Variants in IRS2 observed in about 807,000 individuals in gnomAD.
IRS2 encodes the protein insulin receptor substrate 2.
IRS2 carries 28 observed loss-of-function variants against 70.9 expected under a neutral mutation model. The ratio of observed to expected loss-of-function variants is 0.39; its 90% CI spans 0.29 to 0.54. IRS2 has a LOEUF of 0.54. Ranked by LOEUF, IRS2 falls within the 20% of genes least tolerant of loss-of-function variation. IRS2 has a pLI of 0.59. For missense variants in IRS2, 2,081 were observed against 2,024.1 expected, an observed-to-expected ratio of 1.03 and a Z score of -0.54; for synonymous variants, 1,217 against 981.9, an observed-to-expected ratio of 1.24 and a Z score of -4.48.
Position 109,782,919 on chromosome 13 carries a change from G to T in IRS2, c.3135C>A (p.Pro1045=), listed in dbSNP as rs759999527. Residue 1045 remains proline (P), a synonymous_variant, in exon 1 of 2, where the codon CCC becomes CCA. Transcript: ENST00000375856. The part of the protein sequence containing the change: ...PPAPGELYRL[P]PASAVATAQG... The stretch of plus-strand genomic sequence containing the variant: ...GGGCGGTGGCAACGGCCGAGGCGGG[G>T]GGCAGGCGGTACAGCTCCCCCGGGG... 5 of 1,543,820 alleles carry T rather than the reference G, an allele frequency of 3.2e-6. 1 individual carries two copies. In the South Asian group the frequency reaches 6.0e-5, roughly 18 times the overall value.
rs1304368331 is a variant in IRS2 at position 109,783,429 on chromosome 13, G to T, written c.2625C>A (p.Gly875=). 3 of 1,495,064 alleles carry T rather than the reference G, an allele frequency of 2.0e-6. No homozygotes were observed. The African/African-American group carries it at 4.3e-5, about 22-fold the overall frequency. The allele number at this position is 1,495,064 out of a possible 1,614,324, so 92.6% of individuals were successfully genotyped here. ...VVPSPVRPSG[G]RPEGFLGQRG... ...GCTGGCCCAAGAAGCCCTCCGGGCGGCCGCCGCTAGGCCGCACGGGCGAAG... is the reference window on the plus strand; with the variant it reads ...GCTGGCCCAAGAAGCCCTCCGGGCGTCCGCCGCTAGGCCGCACGGGCGAAG... Residue 875 remains glycine, a synonymous_variant, in exon 1 of 2, where the codon GGC becomes GGA. Coordinates refer to ENST00000375856, the MANE Select transcript of IRS2 (RefSeq NM_003749.3).
intron 1 of IRS2, among the ~76,000 whole-genome samples, chr13:109,772,481 T>C (rs1216573204): frequency 2.0e-5 from 3 of 152,190 alleles, no homozygotes; most frequent in Admixed American, 2.0e-4. Context: ...GTAACTCCAT[T>C]CGCCCGGATA....
intron 1 of IRS2, among the ~76,000 whole-genome samples, chr13:109,781,411 G>A (rs1169132038): frequency 6.6e-6 from 1 of 152,222 alleles, no homozygotes; most frequent in African/African-American, 2.4e-5. Context: ...ATTAGGCTGT[G>A]TGCAGCCTTA....
chr13:109,777,625 CA>C (rs1877608408), intron 1 of IRS2, among the ~76,000 whole-genome samples: 1 of 152,178 alleles, frequency 6.6e-6, no homozygotes, highest in Non-Finnish European at 1.5e-5. Flanking sequence ...CCAGACTAAA[CA>C]ATGAGTAGTC....
At chr13:109,772,392 T>A (rs1877473092) in intron 1 of IRS2, among the ~76,000 whole-genome samples, 1 of 152,136 alleles carries the variant, frequency 6.6e-6, no homozygotes, top group South Asian at 2.1e-4. Flanking sequence ...CTGACTAAAT[T>A]GGTGGGTGCT....
At chr13:109,775,690 T>G (rs1877555868) in intron 1 of IRS2, among the ~76,000 whole-genome samples, 3 of 151,328 alleles carry the variant, frequency 2.0e-5, no homozygotes, top group African/African-American at 7.3e-5. Context: ...TCCTTGAATT[T>G]CAGTTATGGA....
chr13:109,783,868 G>C lies in IRS2; in HGVS notation c.2186C>G (p.Ala729Gly), dbSNP rs929000671. ...TFPASGGGYKASSPAESSPED... is the reference protein window; with the variant it reads ...TFPASGGGYKGSSPAESSPED... ...GGGGGAGCTCTCGGCGGGCGAGCTG[G>C]CCTTGTAGCCGCCCCCGCTCGCCGG... is the stretch of plus-strand genomic sequence containing the variant. The change falls in exon 1 of 2, where the codon GCC becomes GGC. Residue 729 changes from alanine to glycine, a missense_variant. Coordinates refer to ENST00000375856, the MANE Select transcript of IRS2 (RefSeq NM_003749.3). 6 of 1,552,318 alleles carry C rather than the reference G, an allele frequency of 3.9e-6. No individual in the cohort carries two copies. In the East Asian group the frequency reaches 7.3e-5, roughly 19 times the overall value.
intron 1 of IRS2, among the ~76,000 whole-genome samples, chr13:109,759,942 G>A (rs1217022146): frequency 2.6e-5 from 4 of 152,142 alleles, no homozygotes; most frequent in African/African-American, 7.2e-5. Flanking sequence ...ACCTAGGAAT[G>A]AGAGTAAACT....
chr13:109,782,817 C>T lies in IRS2; in HGVS notation c.3237G>A (p.Val1079=), dbSNP rs374257648. The change falls in exon 1 of 2, where the codon GTG becomes GTA. Residue 1079 remains valine (V), a synonymous_variant. Coordinates refer to ENST00000375856, the MANE Select transcript of IRS2 (RefSeq NM_003749.3). ...NGDYTEMAFG[V]AATPPQPIAA... Reference sequence around the variant, plus strand: ...CGATAGGTTGCGGCGGGGTGGCGGCCACACCAAAAGCCATCTCGGTGTAGT... The same window carrying T: ...CGATAGGTTGCGGCGGGGTGGCGGCTACACCAAAAGCCATCTCGGTGTAGT... 66 of 1,590,790 alleles carry T rather than the reference C, an allele frequency of 4.1e-5. No homozygotes were observed. Among genetic ancestry groups the T allele is most frequent in the Non-Finnish European group, 5.1e-5 (60 of 1,170,118 alleles).
At position 109,759,581 on chromosome 13, in the gene IRS2, C is replaced by T. The variant is rs35636771; in HGVS notation, c.4013-3273G>A. On this transcript the variant is annotated intron_variant, in intron 1 of 1. Transcript: ENST00000375856. The stretch of plus-strand genomic sequence containing the variant: ...GAAAAAAGGGATCTGTTTTGAAACC[C>T]TAAGTATCATTTTTATTCATTTGTT... 2.9e-3 allele frequency among the ~76,000 whole-genome samples: 438 copies of T among 152,234 alleles called. 1 individual carries two copies. Among genetic ancestry groups the T allele is most frequent in the Middle Eastern group, 0.017 (5 of 294 alleles).
chr13:109,784,292 G>T lies in IRS2; in HGVS notation c.1762C>A (p.Pro588Thr). Residue 588 changes from proline to threonine, a missense_variant, in exon 1 of 2, where the codon CCC (proline) becomes ACC (threonine). Physicochemically the swap from Pro to Thr is conservative, Grantham distance 38. Around this residue, in one of 4 missense-constraint regions of IRS2, gnomAD observed 1,615 missense variants for 1,459.5 expected, o/e 1.11. Transcript: ENST00000375856. The surrounding 1 kb of genome is among the most constrained non-coding windows in gnomAD (Gnocchi z 5.2). ...TCCAGCGAGGCAGAGGAGGGCTGGG[G>T]CACCGGCCGCTGCCGGGCTGGCGTG... ...LTTPARQRPV[P>T]QPSSASLDEY... 6.3e-7 allele frequency: 1 copy of T among 1,598,302 alleles called. No homozygotes were observed.
At chr13:109,772,687 C>T (rs1158646182) in intron 1 of IRS2, among the ~76,000 whole-genome samples, 2 of 114,678 alleles carry the variant, frequency 1.7e-5, no homozygotes, top group East Asian at 2.5e-4. Context: ...TTGCCTATTA[C>T]ATTTTTTTTT....
At chr13:109,770,861 T>C (rs1337846344) in intron 1 of IRS2, among the ~76,000 whole-genome samples, 1 of 152,236 alleles carries the variant, frequency 6.6e-6, no homozygotes, top group Non-Finnish European at 1.5e-5. Context: ...GTTTTGGAAA[T>C]GGCTGAAGAC....
intron 1 of IRS2, among the ~76,000 whole-genome samples, chr13:109,767,430 T>C (rs1169902171): frequency 6.6e-6 from 1 of 152,082 alleles, no homozygotes. Flanking sequence ...CAATTAATGA[T>C]AAAGAAAACA....
At position 109,783,472 on chromosome 13, in the gene IRS2, G is replaced by A. The variant is rs766481568; in HGVS notation, c.2582C>T (p.Pro861Leu). The change falls in exon 1 of 2, where the codon CCC becomes CTC. Residue 861 changes from proline to leucine, a missense_variant. By Grantham distance (98) the Pro-to-Leu change is moderately conservative (BLOSUM62 -3). Around this residue, in one of 4 missense-constraint regions of IRS2, gnomAD observed 1,615 missense variants for 1,459.5 expected, o/e 1.11. Coordinates refer to ENST00000375856, the MANE Select transcript of IRS2 (RefSeq NM_003749.3). ...ASAFGAGPTQ[P>L]PHPVVPSPVR... ...GGGCGAAGGCACTACAGGGTGAGGG[G>A]GCTGCGTGGGGCCGGCCCCGAAGGC... The A allele has an allele frequency of 6.0e-5, 92 of 1,540,494 alleles. No individual in the cohort carries two copies. Among genetic ancestry groups the A allele is most frequent in the Non-Finnish European group, 7.4e-5 (85 of 1,145,586 alleles).
At chr13:109,778,879 A>G (rs1184470194) in intron 1 of IRS2, among the ~76,000 whole-genome samples, 1 of 152,214 alleles carries the variant, frequency 6.6e-6, no homozygotes, top group East Asian at 1.9e-4. Flanking sequence ...CTACCATCCT[A>G]ACACAAAAAC....
At position 109,783,900 on chromosome 13, in the gene IRS2, C is replaced by G; in HGVS notation, c.2154G>C (p.Arg718Ser). 1.3e-6 allele frequency: 2 copies of G among 1,546,390 alleles called. No homozygotes were observed. The highest frequency in any genetic ancestry group is 1.2e-5 in the South Asian group (1 of 84,142). ...AGPAPTSAAG[R>S]TFPASGGGYK... The stretch of plus-strand genomic sequence containing the variant: ...AGCCGCCCCCGCTCGCCGGGAATGT[C>G]CTGCCCGCCGCAGAGGTGGGTGCTG... Residue 718 changes from arginine to serine, a missense_variant, in exon 1 of 2, where the codon AGG becomes AGC. Arg to Ser is a moderately radical substitution (Grantham distance 110). Around this residue, in one of 4 missense-constraint regions of IRS2, gnomAD observed 1,615 missense variants for 1,459.5 expected, o/e 1.11. Transcript: ENST00000375856.
At chr13:109,758,944 A>G (rs1877168326) in intron 1 of IRS2, among the ~76,000 whole-genome samples, 1 of 151,286 alleles carries the variant, frequency 6.6e-6, no homozygotes, top group Non-Finnish European at 1.5e-5. Context: ...GGAAGGGGAA[A>G]GGGAAGGAGA....
chr13:109,778,671 A>G (rs1371782477), intron 1 of IRS2, among the ~76,000 whole-genome samples: 4 of 152,202 alleles, frequency 2.6e-5, no homozygotes, highest in Non-Finnish European at 4.4e-5. Flanking sequence ...CTTTGGAAAC[A>G]TATCTCTTAT....
Sources: gnomAD v4.1 joint callset for allele counts (sites outside exome capture counted in the v4.1 genomes callset) on GRCh38, gnomAD v4.1.1 for gene constraint, gnomAD v4.1.1 regional missense constraint, Gnocchi (gnomAD v3.1) non-coding constraint, MANE v1.5 for transcripts, NCBI Gene and HGNC (gene_info 2026-07-23, HGNC 2026-07-21) for gene names.